Variants in MED23 observed in about 807,000 individuals in gnomAD.
MED23 encodes the protein mediator complex subunit 23, also known as mediator of RNA polymerase II transcription subunit 23.
Under a neutral mutation model 163.9 loss-of-function variants are expected in MED23, and 105 were observed. That is an observed-to-expected ratio of 0.64 (90% CI 0.55 to 0.75). The LOEUF is 0.75. Among genes scored for constraint, MED23 ranks in the 30% least tolerant of loss-of-function variants. MED23 has a pLI of 0.00. For synonymous variants in MED23, 561 were observed against 565.6 expected, an observed-to-expected ratio of 0.99 and a Z score of 0.12; for missense variants, 1,054 against 1,649.0, an observed-to-expected ratio of 0.64 and a Z score of 6.25.
rs1774529732 is a variant in MED23, at chr6:131,590,566, TAAC to T, written c.3687-127_3687-125del. On this transcript the variant is annotated intron_variant, in intron 26 of 28. Transcript: ENST00000368068. ...TTTTTTAAAGTTCCTTTTAATTTGG[TAAC>T]AATAATATTTCTAATTAATCTCACA... is the stretch of plus-strand genomic sequence containing the variant. 1.7e-5 allele frequency: 10 copies of T among 602,832 alleles called. No homozygotes were observed. The South Asian group carries it at 2.2e-4, about 13-fold the overall frequency. 37.3% of individuals were successfully genotyped at this position (602,832 alleles called of 1,614,324 possible).
intron 16 of MED23, 40 bp from the exon 17 acceptor site, chr6:131,602,421 CA>C: frequency 6.3e-7 from 1 of 1,579,138 alleles, no homozygotes; most frequent in Non-Finnish European, 8.7e-7. Flanking sequence ...AAAAAAATTT[CA>C]GAATTATGGA....
rs12664729 is a variant in MED23, at chr6:131,627,579, T to C, written c.71+62A>G. Reference sequence around the variant, plus strand: ...ATCTTATAACCTTCCAACACGAAACTAAGTAAAATCTGACAGACACAATCA... The same window carrying C: ...ATCTTATAACCTTCCAACACGAAACCAAGTAAAATCTGACAGACACAATCA... On this transcript the variant is annotated intron_variant, in intron 2 of 28. Coordinates refer to ENST00000368068, the MANE Select transcript of MED23 (RefSeq NM_004830.4). The C allele has an allele frequency of 3.3e-4, 529 of 1,600,710 alleles. 4 individuals carry two copies. The East Asian group carries it at 0.011, about 35-fold the overall frequency.
chr6:131,593,045 T>G lies in MED23; in HGVS notation c.3359A>C (p.Lys1120Thr). ...ATTTAGAAGGGCATTCCCAACTTCT[T>G]TGCCTGAAACTGCCAAGGCCATGAG... ...VELMALAVSG[K>T]EVGNALLNVV... is the part of the protein sequence containing the mutation. Residue 1120 changes from lysine to threonine, a missense_variant, in exon 24 of 29, where the codon AAA becomes ACA. Physicochemically the swap from Lys to Thr is moderately conservative, Grantham distance 78. Coordinates refer to ENST00000368068, the MANE Select transcript of MED23 (RefSeq NM_004830.4). 6.2e-7 allele frequency: 1 copy of G among 1,614,202 alleles called. No homozygotes were observed. The highest frequency in any genetic ancestry group is 8.5e-7 in the Non-Finnish European group (1 of 1,180,034).
rs764367650 is a variant in MED23, at chr6:131,603,219, C to G, written c.1757-15G>C. On this transcript the variant is annotated splice_polypyrimidine_tract_variant and intron_variant, in intron 15 of 28. Transcript: ENST00000368068. ...CAAAAGCTGACCTGGAGGAAAAAGACAATTTAAGGTACCAATTATTAAAGG... is the reference window on the plus strand; with the variant it reads ...CAAAAGCTGACCTGGAGGAAAAAGAGAATTTAAGGTACCAATTATTAAAGG... 1.9e-6 allele frequency: 3 copies of G among 1,612,876 alleles called. No homozygotes were observed. The South Asian group carries it at 3.3e-5, about 18-fold the overall frequency.
chr6:131,623,039 C>T (rs1371353757), intron 5 of MED23, among the ~76,000 whole-genome samples: 1 of 152,212 alleles, frequency 6.6e-6, no homozygotes, highest in Non-Finnish European at 1.5e-5. Context: ...GTTCCACACA[C>T]CCCTGCTCTG....
chr6:131,593,124 A>C lies in MED23; in HGVS notation c.3280T>G (p.Phe1094Val). Reference protein sequence around the residue: ...PGPFPNCDWRFNEFPNPAAHA... With the variant: ...PGPFPNCDWRVNEFPNPAAHA... The stretch of plus-strand genomic sequence containing the variant: ...GCAGCTGGGTTGGGAAACTCATTGA[A>C]TCTCCAGTCACAGTTTGGAAAGGGA... Residue 1094 changes from phenylalanine to valine, a missense_variant, in exon 24 of 29, where the codon TTC (phenylalanine) becomes GTC (valine). This residue lies in a region of MED23 where 362 missense variants were observed against 471.6 expected (regional missense o/e 0.77). Coordinates refer to ENST00000368068, the MANE Select transcript of MED23 (RefSeq NM_004830.4). 6.2e-7 allele frequency: 1 copy of C among 1,614,190 alleles called. No individual in the cohort carries two copies. Among genetic ancestry groups the C allele is most frequent in the Non-Finnish European group, 8.5e-7 (1 of 1,180,026 alleles).
chr6:131,581,226 A>G (rs749966465), intron 30 of MED23: 10 of 1,613,878 alleles, frequency 6.2e-6, no homozygotes, highest in Non-Finnish European at 8.5e-6. Flanking sequence ...AAGTTTGGCA[A>G]TTGGAAGCAT....
chr6:131,617,070 TATATTAATTTAAAA>T (rs1462068071), intron 9 of MED23, among the ~76,000 whole-genome samples: 1 of 150,420 alleles, frequency 6.6e-6, no homozygotes, highest in African/African-American at 2.4e-5. Flanking sequence ...ATACTTAAAA[TATATTAATTTAAAA>T]ATATTAATTT....
chr6:131,577,776 G>A (rs2114523591), intron 30 of MED23, among the ~76,000 whole-genome samples: 1 of 151,880 alleles, frequency 6.6e-6, no homozygotes, highest in East Asian at 1.9e-4. Flanking sequence ...GTGGTGGCAT[G>A]AGCCTGTAGT....
chr6:131,599,959 A>G lies in MED23; in HGVS notation c.2220+79T>C, dbSNP rs1775344603. The G allele has an allele frequency of 1.2e-5, 19 of 1,530,476 alleles. No homozygotes were observed. In the East Asian group the frequency reaches 1.4e-4, roughly 11 times the overall value. The allele number at this position is 1,530,476 out of a possible 1,614,324, so 94.8% of individuals were successfully genotyped here. On this transcript the variant is annotated intron_variant, in intron 18 of 28. Coordinates refer to ENST00000368068, the MANE Select transcript of MED23 (RefSeq NM_004830.4). ...AAGCTAATTTTATTCAGAAGTCACC[A>G]AGACTCACTCTAGAACACCATTGTG...
At chr6:131,583,864 G>A (rs373491227), downstream of MED23, 1 of 1,614,012 alleles carries the variant, frequency 6.2e-7, no homozygotes, top group African/African-American at 1.3e-5. Flanking sequence ...ACTTGCTCGG[G>A]AGGGTAATCA....
rs1360876399 is a variant in MED23 at position 131,587,389 on chromosome 6, T to C, written c.*290A>G. 3 of 1,209,202 alleles carry C rather than the reference T, an allele frequency of 2.5e-6. No individual in the cohort carries two copies. The African/African-American group carries it at 4.7e-5, about 19-fold the overall frequency. The allele number at this position is 1,209,202 out of a possible 1,614,324, so 74.9% of individuals were successfully genotyped here. A position where few individuals can be genotyped will look rare whatever the true frequency, so the allele number is the denominator to read the frequency against. On this transcript the variant is annotated 3_prime_UTR_variant, in exon 29 of 29. Transcript: ENST00000368068. The stretch of plus-strand genomic sequence containing the variant: ...GAATAGGAAAGACTGAAAGTGCCAA[T>C]GACAAGTCATTTGATCACAGATACC...
At chr6:131,615,066 CAAA>C (rs5880072) in intron 10 of MED23, among the ~76,000 whole-genome samples, 12 of 68,226 alleles carry the variant, frequency 1.8e-4, no homozygotes, top group African/African-American at 4.8e-4. Flanking sequence ...TCTTTGTTAC[CAAA>C]AAAAAAAAAA....
intron 20 of MED23, among the ~76,000 whole-genome samples, chr6:131,597,542 G>GA (rs199743664): frequency 0.013 from 1,720 of 129,638 alleles, 40 homozygotes; most frequent in African/African-American, 0.048. Context: ...GTCAGGAGAA[G>GA]AAAAAAACAT....
In MED23 at chr6:131,621,978, C is replaced by A; in HGVS notation, c.398G>T (p.Gly133Val). 1.2e-6 allele frequency: 2 copies of A among 1,608,368 alleles called. No homozygotes were observed. Among genetic ancestry groups the A allele is most frequent in the Non-Finnish European group, 1.7e-6 (2 of 1,174,996 alleles). ...AATCACTTTTAAGAGATCTCGAACA[C>A]CCTGATATAAGAAAAAAGACATGGG... ...RKIIGGVDYK[G>V]VRDLLKVILE... Residue 133 changes from glycine (G) to valine (V), a missense_variant and splice_region_variant, in exon 6 of 29, where the codon GGT becomes GTT. Transcript: ENST00000368068.
intron 5 of MED23, among the ~76,000 whole-genome samples, chr6:131,622,964 C>T (rs1777218614): frequency 6.6e-6 from 1 of 152,106 alleles, no homozygotes; most frequent in Non-Finnish European, 1.5e-5. Context: ...GAGGTAAGAC[C>T]CACGTTCAAG....
rs1384321134 is a variant in MED23, at chr6:131,618,401, A to G, written c.780+6T>C. ...ACTAAAAGTGCCATTATATTTAGCA[A>G]CATACCTTATCATATGGCAAAAGGC... On this transcript the variant is annotated splice_donor_region_variant and intron_variant, in intron 9 of 28. Coordinates refer to ENST00000368068, the MANE Select transcript of MED23 (RefSeq NM_004830.4). 6.3e-7 allele frequency: 1 copy of G among 1,594,840 alleles called. No homozygotes were observed. The highest frequency in any genetic ancestry group is 8.6e-7 in the Non-Finnish European group (1 of 1,162,626).
At chr6:131,580,850 T>C (rs961032817) in intron 30 of MED23, among the ~76,000 whole-genome samples, 15 of 152,216 alleles carry the variant, frequency 9.9e-5, no homozygotes, top group African/African-American at 3.6e-4. Context: ...CAGAAAATGA[T>C]CCAAATTTAA....
Position 131,607,926 on chromosome 6 carries a change from A to G in MED23, c.1221+2T>C. On this transcript the variant is annotated splice_donor_variant, in intron 12 of 28. Coordinates refer to ENST00000368068, the MANE Select transcript of MED23 (RefSeq NM_004830.4). LOFTEE classifies it high-confidence loss of function. ...TATGAATAGTTACTCAGTAAAGCTT[A>G]CTTCTTTTTCTGGGTATAGCAAGTC... is the stretch of plus-strand genomic sequence containing the variant. 3.7e-6 allele frequency: 6 copies of G among 1,613,688 alleles called. No individual in the cohort carries two copies. The highest frequency in any genetic ancestry group is 5.1e-6 in the Non-Finnish European group (6 of 1,179,788).
Sources: allele counts gnomAD v4.1 joint callset (sites outside exome capture counted in the v4.1 genomes callset), GRCh38; gene constraint gnomAD v4.1.1; regional missense constraint gnomAD v4.1.1; transcripts MANE v1.5; gene names NCBI Gene and HGNC (gene_info 2026-07-23, HGNC 2026-07-21).